The following MYOCD variants were observed in gnomAD, a reference collection of about 807,000 sequenced individuals.
MYOCD encodes myocardin.
A neutral mutation model predicts 96.1 loss-of-function variants in MYOCD; 32 were observed. The ratio of observed to expected loss-of-function variants is 0.33; its 90% confidence interval spans 0.25 to 0.45. MYOCD has a LOEUF of 0.45. Ranked by LOEUF, MYOCD falls within the 20% of genes least tolerant of loss-of-function variation. The probability of loss-of-function intolerance (pLI) is 1.00; values close to 1 mark genes in which losing one functional copy is unlikely to be tolerated. For synonymous variants in MYOCD, 469 were observed against 469.0 expected (o/e 1.00, Z 0.00); for missense variants, 1,133 against 1,200.6 (o/e 0.94, Z 0.83).
intron 1 of MYOCD, among the ~76,000 whole-genome samples, chr17:12,673,017 A>G (rs1158840124): frequency 6.6e-6 from 1 of 152,142 alleles, no homozygotes; most frequent in Non-Finnish European, 1.5e-5. Flanking sequence ...CTCATAAAAT[A>G]TGGTCAAATA....
intron 1 of MYOCD, among the ~76,000 whole-genome samples, chr17:12,677,937 G>C (rs1362323521): frequency 7.0e-6 from 1 of 143,020 alleles, no homozygotes; most frequent in African/African-American, 2.6e-5. Context: ...TCTGTCCCCA[G>C]GCTGGAGTGC....
At position 12,666,211 on chromosome 17, in the gene MYOCD, A is replaced by C. The variant is rs1268429803; in HGVS notation, c.23A>C (p.His8Pro). ...AACATGACACTCCTGGGGTCTGAGCATTCCTTGCTGATTAGGAGCAAGTTC... is the reference window on the plus strand; with the variant it reads ...AACATGACACTCCTGGGGTCTGAGCCTTCCTTGCTGATTAGGAGCAAGTTC... MTLLGSE[H>P]SLLIRSKFRS... The change falls in exon 1 of 14, where the codon CAT (histidine) becomes CCT (proline). Residue 8 changes from histidine to proline, a missense_variant. Physicochemically the swap from His to Pro is moderately conservative, Grantham distance 77 (BLOSUM62 -2). Transcript: ENST00000425538. 6.2e-7 allele frequency: 1 copy of C among 1,613,986 alleles called. No individual in the cohort carries two copies. The highest frequency in any genetic ancestry group is 1.7e-5 in the Admixed American group (1 of 60,016).
intron 1 of MYOCD, among the ~76,000 whole-genome samples, chr17:12,674,955 T>A (rs1442055741): frequency 6.6e-6 from 1 of 152,144 alleles, no homozygotes. Context: ...CTTAAACACT[T>A]TAAAACTCCA....
chr17:12,669,723 A>C (rs1003083000), intron 1 of MYOCD, among the ~76,000 whole-genome samples: 6 of 151,854 alleles, frequency 4.0e-5, no homozygotes, highest in African/African-American at 1.5e-4. Context: ...GGTTCACGCC[A>C]TTCTCCTGCC....
intron 1 of MYOCD, among the ~76,000 whole-genome samples, chr17:12,679,029 C>G (rs181245541): frequency 5.3e-5 from 8 of 152,160 alleles, no homozygotes; most frequent in Admixed American, 5.2e-4. Flanking sequence ...CTCAAGGTCA[C>G]CCAGCAGATT....
At chr17:12,756,695 C>CAAAAAAAAAAAAAAA (rs11307445) in intron 11 of MYOCD, 138 bp downstream of exon 11, 74 of 142,198 alleles carry the variant, frequency 5.2e-4, no homozygotes, top group Middle Eastern at 2.0e-3. Flanking sequence ...GACTGCATCT[C>CAAAAAAAAAAAAAAA]AAAAAAAAAA....
chr17:12,728,805 T>G (rs1244985109), intron 5 of MYOCD, among the ~76,000 whole-genome samples: 2 of 152,186 alleles, frequency 1.3e-5, no homozygotes, highest in Admixed American at 1.3e-4. Context: ...GAACCCGTGA[T>G]TTAGAATATA....
rs1184438361 is a variant in MYOCD at position 12,666,786 on chromosome 17, AT to A, written c.55+549del. Reference sequence around the variant, plus strand: ...AAAAAGAAAGCCCAGTGCCACAAATATTTTTTCCCAAACCATCTGATATTTA... The same window carrying A: ...AAAAAGAAAGCCCAGTGCCACAAATATTTTTCCCAAACCATCTGATATTTA... On this transcript the variant is annotated intron_variant, in intron 1 of 13. Transcript: ENST00000425538. Among the ~76,000 whole-genome samples the A allele has an allele frequency of 3.9e-5, 6 of 152,032 alleles. 1 individual carries two copies. The highest frequency in any genetic ancestry group is 9.7e-5 in the African/African-American group (4 of 41,374).
At chr17:12,688,351 A>G (rs1167252255) in intron 1 of MYOCD, among the ~76,000 whole-genome samples, 1 of 152,232 alleles carries the variant, frequency 6.6e-6, no homozygotes, top group African/African-American at 2.4e-5. Flanking sequence ...CAAATTATCT[A>G]AACAGTTGAG....
At chr17:12,750,559 C>G (rs1342695126) in intron 9 of MYOCD, among the ~76,000 whole-genome samples, 1 of 151,890 alleles carries the variant, frequency 6.6e-6, no homozygotes, top group Non-Finnish European at 1.5e-5. Flanking sequence ...TGTGGTGGTG[C>G]GTGCCTGTAA....
chr17:12,708,087 G>C (rs1418262786), intron 2 of MYOCD, among the ~76,000 whole-genome samples: 2 of 152,086 alleles, frequency 1.3e-5, no homozygotes, highest in African/African-American at 4.8e-5. Context: ...TGCAGTGCTG[G>C]TTCTCTTCAG....
At chr17:12,740,740 CT>C (rs894981345) in intron 7 of MYOCD, among the ~76,000 whole-genome samples, 7 of 149,132 alleles carry the variant, frequency 4.7e-5, no homozygotes, top group African/African-American at 1.2e-4. Context: ...CTTTGTGTTC[CT>C]TTTTTTTTTC....
At chr17:12,707,746 A>T (rs575413618) in intron 2 of MYOCD, among the ~76,000 whole-genome samples, 108 of 151,868 alleles carry the variant, frequency 7.1e-4, no homozygotes, top group African/African-American at 2.4e-3. Context: ...AATAAAAATT[A>T]AAAAAGCACA....
In MYOCD at chr17:12,764,731, G is replaced by A. The variant is rs915593672; in HGVS notation, c.*1087G>A. The A allele has an allele frequency of 6.6e-6, 1 of 152,078 alleles. No homozygotes were observed. Among genetic ancestry groups the A allele is most frequent in the Non-Finnish European group, 1.5e-5 (1 of 68,032 alleles). 9.4% of individuals were successfully genotyped at this position (152,078 alleles called of 1,614,324 possible). A position where few individuals can be genotyped will look rare whatever the true frequency, so the allele number is the denominator to read the frequency against. Reference sequence around the variant, plus strand: ...ACCAATCCTTTCCTGTTCCTCGTTTGGCCATCTTTCTTTTTCTGCCTCCAC... The same window carrying A: ...ACCAATCCTTTCCTGTTCCTCGTTTAGCCATCTTTCTTTTTCTGCCTCCAC... On this transcript the variant is annotated 3_prime_UTR_variant, in exon 14 of 14. Coordinates refer to ENST00000425538, the MANE Select transcript of MYOCD (RefSeq NM_001146312.3).
chr17:12,697,335 G>GTATATATATATATATA (rs1007347099), intron 1 of MYOCD, among the ~76,000 whole-genome samples: 25 of 92,018 alleles, frequency 2.7e-4, no homozygotes, highest in African/African-American at 5.0e-4. Context: ...TGGTATAGGA[G>GTATATATATATATATA]TATATATATA....
At chr17:12,744,557 G>C in intron 8 of MYOCD, 121 bp downstream of exon 8, 2 of 1,355,100 alleles carry the variant, frequency 1.5e-6, no homozygotes, top group East Asian at 2.5e-5. Flanking sequence ...TCCTCATCCA[G>C]TATGTTTGGA....
intron 1 of MYOCD, among the ~76,000 whole-genome samples, chr17:12,669,194 A>T (rs1338437436): frequency 6.6e-6 from 1 of 152,228 alleles, no homozygotes; most frequent in Non-Finnish European, 1.5e-5. Flanking sequence ...GTTCTCCTCC[A>T]TATCAATCCT....
Position 12,766,186 on chromosome 17 carries a change from A to G in MYOCD, c.*2542A>G, listed in dbSNP as rs2033335418. ...TTTCTTCCCCTTACTTCCTTTGGAA[A>G]ACAAACTCACACAGTGCCCCTACTC... On this transcript the variant is annotated 3_prime_UTR_variant, in exon 14 of 14. Coordinates refer to ENST00000425538, the MANE Select transcript of MYOCD (RefSeq NM_001146312.3). 6.6e-6 allele frequency: 1 copy of G among 152,258 alleles called. No homozygotes were observed. The highest frequency in any genetic ancestry group is 2.1e-4 in the South Asian group (1 of 4,826). The allele number at this position is 152,258 out of a possible 1,614,324, so 9.4% of individuals were successfully genotyped here. A position where few individuals can be genotyped will look rare whatever the true frequency, so the allele number is the denominator to read the frequency against.
rs12451534 is a variant in MYOCD at position 12,746,343 on chromosome 17, G to A, written c.1125+271G>A. 0.036 allele frequency among the ~76,000 whole-genome samples: 5,546 copies of A among 152,254 alleles called. 220 individuals carry two copies. The highest frequency in any genetic ancestry group is 0.15 in the East Asian group (753 of 5,178). On this transcript the variant is annotated intron_variant, in intron 9 of 13. Coordinates refer to ENST00000425538, the MANE Select transcript of MYOCD (RefSeq NM_001146312.3). ...TCACAGTTCTAGAACTGAGAAGTCC[G>A]AGGACATGGCACCAGTATCTGGCAA... is the stretch of plus-strand genomic sequence containing the variant.
Sources: gnomAD v4.1 joint callset for allele counts (sites outside exome capture counted in the v4.1 genomes callset) on GRCh38, gnomAD v4.1.1 for gene constraint, MANE v1.5 for transcripts, NCBI Gene and HGNC (gene_info 2026-07-23, HGNC 2026-07-21) for gene names.